Variants in ATP9A observed in about 807,000 individuals in gnomAD.
ATP9A encodes the protein probable phospholipid-transporting ATPase IIA.
A neutral mutation model predicts 144.1 loss-of-function variants in ATP9A; 52 were observed. That is an observed-to-expected ratio of 0.36 (90% CI 0.29 to 0.45). The LOEUF is 0.45. Ranked by LOEUF, ATP9A falls within the 20% of genes least tolerant of loss-of-function variation. ATP9A has a pLI of 1.00. For missense variants in ATP9A, 947 were observed against 1,392.7 expected, an observed-to-expected ratio of 0.68 and a Z score of 5.09; for synonymous variants, 582 against 557.4, an observed-to-expected ratio of 1.04 and a Z score of -0.62.
intron 1 of ATP9A, among the ~76,000 whole-genome samples, chr20:51,742,704 G>T (rs1253923271): frequency 6.6e-6 from 1 of 152,016 alleles, no homozygotes; most frequent in African/African-American, 2.4e-5. Context: ...TAGTAGAGAC[G>T]GCGTTTCACC....
At chr20:51,632,691 G>T (rs962326718) in intron 15 of ATP9A, among the ~76,000 whole-genome samples, 2 of 152,080 alleles carry the variant, frequency 1.3e-5, no homozygotes, top group Non-Finnish European at 2.9e-5. Flanking sequence ...TAGTCCAAAA[G>T]CCCCAGAGGC....
chr20:51,752,542 A>T (rs1349652093), intron 1 of ATP9A, among the ~76,000 whole-genome samples: 1 of 152,032 alleles, frequency 6.6e-6, no homozygotes, highest in East Asian at 1.9e-4. Flanking sequence ...CATGCTATAA[A>T]CCTCTGTTAA....
chr20:51,758,338 C>T (rs896715162), intron 1 of ATP9A, among the ~76,000 whole-genome samples: 4 of 152,184 alleles, frequency 2.6e-5, no homozygotes, highest in Non-Finnish European at 5.9e-5. Context: ...TCACCACCTT[C>T]ATGAGTGACC....
chr20:51,710,959 C>G (rs1358320409), intron 4 of ATP9A, among the ~76,000 whole-genome samples: 1 of 152,156 alleles, frequency 6.6e-6, no homozygotes, highest in Non-Finnish European at 1.5e-5. Context: ...CGCACTCTCT[C>G]CGATGGGGCT....
At chr20:51,621,346 G>A (rs1390043620) in intron 19 of ATP9A, among the ~76,000 whole-genome samples, 2 of 152,072 alleles carry the variant, frequency 1.3e-5, no homozygotes, top group African/African-American at 4.8e-5. Context: ...TGAAGCTTCT[G>A]TGTGCTATGG....
chr20:51,696,950 G>A (rs944965999), intron 5 of ATP9A, among the ~76,000 whole-genome samples: 2 of 152,082 alleles, frequency 1.3e-5, no homozygotes, highest in Admixed American at 6.6e-5. Context: ...TTTTTAAAAT[G>A]TATTTTTGGT....
At chr20:51,717,103 C>T (rs983122952) in intron 3 of ATP9A, among the ~76,000 whole-genome samples, 2 of 143,930 alleles carry the variant, frequency 1.4e-5, no homozygotes, top group African/African-American at 5.2e-5. Context: ...ACCTGAAAGG[C>T]GGAAGTTACA....
chr20:51,716,455 C>T (rs1395691206), intron 3 of ATP9A, among the ~76,000 whole-genome samples: 1 of 145,488 alleles, frequency 6.9e-6, no homozygotes, highest in East Asian at 2.0e-4. Flanking sequence ...AAAGAATCAG[C>T]TGGTTTCTAC....
chr20:51,701,033 A>G (rs1407695554), intron 4 of ATP9A, among the ~76,000 whole-genome samples: 1 of 152,180 alleles, frequency 6.6e-6, no homozygotes, highest in Non-Finnish European at 1.5e-5. Flanking sequence ...CGTGGCCCTC[A>G]GCGCCAATGA....
At chr20:51,759,764 T>C (rs952724552) in intron 1 of ATP9A, among the ~76,000 whole-genome samples, 1 of 152,154 alleles carries the variant, frequency 6.6e-6, no homozygotes, top group Non-Finnish European at 1.5e-5. Context: ...ATCTCCACTT[T>C]GTCAAAGGAA....
In ATP9A at chr20:51,632,379, GAGA is replaced by G. The variant is rs1210884045; in HGVS notation, c.1669-3310_1669-3308del. ...GCAGGAGCCACCGTACCAAGCCTAGGAGAAGTTTTATAACTGAACTAAAACTTC... is the reference window on the plus strand; with the variant it reads ...GCAGGAGCCACCGTACCAAGCCTAGGAGTTTTATAACTGAACTAAAACTTC... On this transcript the variant is annotated intron_variant, in intron 15 of 27. Coordinates refer to ENST00000338821, the MANE Select transcript of ATP9A (RefSeq NM_006045.3). 3.9e-5 allele frequency among the ~76,000 whole-genome samples: 6 copies of G among 152,306 alleles called. No homozygotes were observed. The East Asian group carries it at 1.2e-3, about 29-fold the overall frequency.
chr20:51,666,691 AAAAAG>A (rs978866311), intron 13 of ATP9A, among the ~76,000 whole-genome samples: 7 of 151,690 alleles, frequency 4.6e-5, no homozygotes, highest in African/African-American at 1.2e-4. Flanking sequence ...AAAAAAAAAA[AAAAAG>A]AAAGAAAGAA....
At chr20:51,607,468 G>A in intron 26 of ATP9A, 59 bp downstream of exon 26, 7 of 1,443,328 alleles carry the variant, frequency 4.8e-6, no homozygotes, top group East Asian at 2.3e-5. Context: ...AGGCAAGAAG[G>A]GGACACCCTG....
chr20:51,606,163 C>G (rs897002021), intron 26 of ATP9A, among the ~76,000 whole-genome samples: 1 of 148,384 alleles, frequency 6.7e-6, no homozygotes, highest in Non-Finnish European at 1.5e-5. Flanking sequence ...AGGCTGAGGC[C>G]GGAGAATCGC....
rs180845392 is a variant in ATP9A at position 51,762,795 on chromosome 20, C to T, written c.68+5507G>A. Among the ~76,000 whole-genome samples, 53 of 145,818 alleles carry T rather than the reference C, an allele frequency of 3.6e-4. No homozygotes were observed. The East Asian group carries it at 5.0e-3, about 14-fold the overall frequency. ...TATGATCAGGGTTTACCGCCACCTA[C>T]GCTTCCTGGGCTCAAGCACTCCTCC... On this transcript the variant is annotated intron_variant, in intron 1 of 27. Coordinates refer to ENST00000338821, the MANE Select transcript of ATP9A (RefSeq NM_006045.3).
At chr20:51,631,144 A>G (rs2426320) in intron 15 of ATP9A, among the ~76,000 whole-genome samples, 67,570 of 152,068 alleles carry the variant, frequency 0.44, 15,800 homozygotes, top group East Asian at 0.68. Context: ...CAGCCCTTTC[A>G]TGGAACAGAA....
intron 13 of ATP9A, among the ~76,000 whole-genome samples, chr20:51,663,239 C>CA (rs2077418354): frequency 6.6e-6 from 1 of 152,014 alleles, no homozygotes; most frequent in South Asian, 2.1e-4. Context: ...GAAAAGAAAA[C>CA]AGAGACAGAG....
intron 27 of ATP9A, among the ~76,000 whole-genome samples, chr20:51,602,167 T>TC (rs1555826743): frequency 6.6e-6 from 1 of 150,640 alleles, no homozygotes; most frequent in Non-Finnish European, 1.5e-5. Flanking sequence ...TGATGGAAGG[T>TC]GGGGGGGGCG....
At chr20:51,614,899 T>C (rs2077197192) in intron 22 of ATP9A, among the ~76,000 whole-genome samples, 2 of 152,150 alleles carry the variant, frequency 1.3e-5, no homozygotes, top group African/African-American at 4.8e-5. Flanking sequence ...CATGAGGACA[T>C]GCTAATAAAT....
Sources: allele counts gnomAD v4.1 joint callset (sites outside exome capture counted in the v4.1 genomes callset), GRCh38; gene constraint gnomAD v4.1.1; transcripts MANE v1.5; gene names NCBI Gene and HGNC (gene_info 2026-07-23, HGNC 2026-07-21).